TAAR5: variants seen among roughly 807,000 people sequenced by gnomAD.
TAAR5 encodes the protein trace amine associated receptor 5.
TAAR5 carries 27 observed loss-of-function variants against 21.1 expected under a neutral mutation model. That is an observed-to-expected ratio of 1.28 (90% CI 0.94 to 1.76). The LOEUF is 1.76. Among genes scored for constraint, TAAR5 ranks in the 40% most tolerant of loss-of-function variants. The pLI is 0.00. For missense variants in TAAR5, 495 were observed against 405.6 expected, an observed-to-expected ratio of 1.22 and a Z score of -1.89; for synonymous variants, 203 against 167.5, an observed-to-expected ratio of 1.21 and a Z score of -1.64.
chr6:132,602,022 A>G, the TAAR5 span, among the ~76,000 whole-genome samples: 7,868 of 152,096 alleles, frequency 0.052, 298 homozygotes, highest in African/African-American at 0.11. Flanking sequence ...GAATGTGCTG[A>G]ATTTTTTAAA....
At chr6:132,596,840 G>A in the TAAR5 span, among the ~76,000 whole-genome samples, 1 of 151,978 alleles carries the variant, frequency 6.6e-6, no homozygotes, top group Admixed American at 6.6e-5. Context: ...AGTTCTAAAA[G>A]GCTGCAAATA....
At chr6:132,602,788 A>G in the TAAR5 span, among the ~76,000 whole-genome samples, 1 of 151,674 alleles carries the variant, frequency 6.6e-6, no homozygotes, top group Non-Finnish European at 1.5e-5. Flanking sequence ...TCAAAAAAAA[A>G]AAAAAAAAGA....
chr6:132,610,578 C>T, the TAAR5 span, among the ~76,000 whole-genome samples: 5 of 152,044 alleles, frequency 3.3e-5, no homozygotes, highest in Non-Finnish European at 5.9e-5. Flanking sequence ...TCCTGACCGA[C>T]GGGGAAGAAA....
At chr6:132,591,380 C>A (rs140589579), upstream of TAAR5, among the ~76,000 whole-genome samples, 1 of 152,052 alleles carries the variant, frequency 6.6e-6, no homozygotes, top group African/African-American at 2.4e-5. Flanking sequence ...GCCAGAGGGG[C>A]CTGGAAGAGG....
the TAAR5 span, among the ~76,000 whole-genome samples, chr6:132,614,968 AT>A: frequency 3.3e-5 from 5 of 152,066 alleles, no homozygotes; most frequent in East Asian, 5.8e-4. Context: ...GGTTCAAGTG[AT>A]TCTCCTGCCT....
chr6:132,597,580 A>G, the TAAR5 span, among the ~76,000 whole-genome samples: 1 of 152,208 alleles, frequency 6.6e-6, no homozygotes, highest in African/African-American at 2.4e-5. Context: ...TTTTAAAAAC[A>G]AAATAAAATA....
chr6:132,593,872 A>C (rs1334721502), upstream of TAAR5, among the ~76,000 whole-genome samples: 1 of 152,204 alleles, frequency 6.6e-6, no homozygotes, highest in Non-Finnish European at 1.5e-5. Context: ...AAATCATTAC[A>C]ATTGGAAGTA....
At chr6:132,608,952 G>A in the TAAR5 span, 1 of 455,934 alleles carries the variant, frequency 2.2e-6, no homozygotes, top group South Asian at 1.5e-5. Context: ...TCATGTCAAA[G>A]CTTGTGTGGA....
Position 132,588,923 on chromosome 6 carries a change from C to T in TAAR5, c.764G>A (p.Gly255Asp), listed in dbSNP as rs1190331306. The T allele has an allele frequency of 1.2e-6, 2 of 1,614,104 alleles. No individual in the cohort carries two copies. The highest frequency in any genetic ancestry group is 4.5e-5 in the East Asian group (2 of 44,860). ...KHERKAAKTL[G>D]IAVGIYLLCW... ...CAAGAGGTATATGCCCACAGCAATG[C>T]CCAGGGTCTTGGCAGCTTTTCTCTC... Residue 255 changes from glycine to aspartate, a missense_variant, in exon 1 of 1, where the codon GGC becomes GAC. Coordinates refer to ENST00000258034, the MANE Select transcript of TAAR5 (RefSeq NM_003967.3).
chr6:132,589,297 A>C lies in TAAR5; in HGVS notation c.390T>G (p.Ile130Met). The change falls in exon 1 of 1, where the codon ATT becomes ATG. Residue 130 changes from isoleucine to methionine, a missense_variant. Transcript: ENST00000258034. Reference sequence around the variant, plus strand: ...GGTCACAGATGGCACAGTGGCGGTCAATGGAAATGAAACAGAGATGGAAGA... The same window carrying C: ...GGTCACAGATGGCACAGTGGCGGTCCATGGAAATGAAACAGAGATGGAAGA... ...TSIFHLCFIS[I>M]DRHCAICDPL... is the part of the protein sequence containing the mutation. The C allele has an allele frequency of 6.2e-7, 1 of 1,613,118 alleles. No individual in the cohort carries two copies. The highest frequency in any genetic ancestry group is 1.1e-5 in the South Asian group (1 of 90,860).
chr6:132,616,546 G>T, the TAAR5 span, among the ~76,000 whole-genome samples: 1 of 152,116 alleles, frequency 6.6e-6, no homozygotes, highest in Non-Finnish European at 1.5e-5. Flanking sequence ...GGAGTCTGTC[G>T]CCCCAGTTAC....
chr6:132,613,051 A>G, the TAAR5 span, among the ~76,000 whole-genome samples: 1 of 152,192 alleles, frequency 6.6e-6, no homozygotes, highest in African/African-American at 2.4e-5. Context: ...CACTATGTGC[A>G]ACTTCCTATA....
upstream of TAAR5, among the ~76,000 whole-genome samples, chr6:132,591,630 A>G (rs1244836238): frequency 6.6e-6 from 1 of 152,202 alleles, no homozygotes; most frequent in Non-Finnish European, 1.5e-5. Flanking sequence ...CTTAAAAGTC[A>G]TAATCCACAT....
the TAAR5 span, among the ~76,000 whole-genome samples, chr6:132,599,352 C>A: frequency 2.6e-4 from 28 of 109,046 alleles, no homozygotes; most frequent in African/African-American, 8.9e-4. Flanking sequence ...TTTTTTTTGA[C>A]GGAGTCCCGC....
chr6:132,595,630 A>G, the TAAR5 span, among the ~76,000 whole-genome samples: 1 of 152,194 alleles, frequency 6.6e-6, no homozygotes, highest in Admixed American at 6.5e-5. Context: ...AAAGCTTTGC[A>G]TGCATACAAG....
upstream of TAAR5, chr6:132,594,509 T>C (rs1776950130): frequency 6.6e-6 from 1 of 152,110 alleles, no homozygotes; most frequent in South Asian, 2.1e-4. Flanking sequence ...TAAAATGGGA[T>C]TGAAAGCAGA....
At chr6:132,591,601 T>C (rs956736442), upstream of TAAR5, among the ~76,000 whole-genome samples, 1 of 152,206 alleles carries the variant, frequency 6.6e-6, no homozygotes, top group African/African-American at 2.4e-5. Flanking sequence ...CATTACTAGG[T>C]ACCTTGAAAC....
At chr6:132,612,713 A>G in the TAAR5 span, among the ~76,000 whole-genome samples, 2 of 152,254 alleles carry the variant, frequency 1.3e-5, no homozygotes, top group African/African-American at 2.4e-5. Flanking sequence ...TTTCAGTCCC[A>G]TATGTAATGT....
chr6:132,611,421 A>G, the TAAR5 span, among the ~76,000 whole-genome samples: 8 of 152,260 alleles, frequency 5.3e-5, no homozygotes, highest in East Asian at 1.5e-3. Context: ...TTTTAAAATG[A>G]CTAAAAGAGT....
Sources: allele counts gnomAD v4.1 joint callset (sites outside exome capture counted in the v4.1 genomes callset), GRCh38; gene constraint gnomAD v4.1.1; transcripts MANE v1.5; gene names NCBI Gene and HGNC (gene_info 2026-07-23, HGNC 2026-07-21).